The following CD96 variants were observed in gnomAD, a reference collection of about 807,000 sequenced individuals.
CD96 encodes CD96 molecule, also known as T-cell surface protein tactile.
Under a neutral mutation model 71.3 loss-of-function variants are expected in CD96, and 70 were observed. The ratio of observed to expected loss-of-function variants is 0.98; its 90% CI spans 0.81 to 1.20. CD96 has a LOEUF of 1.20. Among genes scored for constraint, CD96 ranks in the 50% most tolerant of loss-of-function variants. The pLI is 0.00. For synonymous variants in CD96, 248 were observed against 233.0 expected, an observed-to-expected ratio of 1.06 and a Z score of -0.59; for missense variants, 742 against 677.5, an observed-to-expected ratio of 1.10 and a Z score of -1.06.
At chr3:111,554,690 G>T (rs1934897759) in intron 2 of CD96, among the ~76,000 whole-genome samples, 1 of 152,024 alleles carries the variant, frequency 6.6e-6, no homozygotes. Context: ...CTAGGTACCG[G>T]CATGGAAGAC....
intron 3 of CD96, among the ~76,000 whole-genome samples, chr3:111,574,752 T>C (rs1238206762): frequency 6.6e-6 from 1 of 151,874 alleles, no homozygotes; most frequent in Non-Finnish European, 1.5e-5. Flanking sequence ...GCAAAAAATC[T>C]ATTTAAAAAT....
At chr3:111,564,294 C>G (rs1318365880) in intron 2 of CD96, among the ~76,000 whole-genome samples, 1 of 151,540 alleles carries the variant, frequency 6.6e-6, no homozygotes, top group African/African-American at 2.4e-5. Context: ...CTTTGCATAT[C>G]ATTTCCTTTG....
intron 14 of CD96, among the ~76,000 whole-genome samples, chr3:111,661,156 G>A (rs917695799): frequency 2.0e-5 from 3 of 152,130 alleles, no homozygotes; most frequent in Admixed American, 1.3e-4. Context: ...GAGTGAAGGG[G>A]AAAGTGCTAC....
intron 5 of CD96, among the ~76,000 whole-genome samples, chr3:111,589,881 C>T (rs1256989318): frequency 1.3e-5 from 2 of 152,186 alleles, no homozygotes; most frequent in African/African-American, 2.4e-5. Context: ...GTTACATACC[C>T]TCATCAATTA....
rs775860464 is a variant in CD96, at chr3:111,593,779, C to A, written c.808-4341C>A. On this transcript the variant is annotated intron_variant, in intron 5 of 13. Transcript: ENST00000352690. ...CCATGGTGCCCACCTGCTCCAGGAG[C>A]CTACCCCAGTTACCCTCAATGCCTG... 2.5e-6 allele frequency: 4 copies of A among 1,614,254 alleles called. No homozygotes were observed. In the East Asian group the frequency reaches 8.9e-5, roughly 36 times the overall value.
chr3:111,545,329 G>A lies in CD96; in HGVS notation c.345G>A (p.Arg115=). 6.2e-7 allele frequency: 1 copy of A among 1,614,088 alleles called. No homozygotes were observed. Among genetic ancestry groups the A allele is most frequent in the Non-Finnish European group, 8.5e-7 (1 of 1,179,922 alleles). The change falls in exon 2 of 14, where the codon AGG becomes AGA. Residue 115 remains arginine (R), a synonymous_variant. Transcript: ENST00000352690. The part of the protein sequence containing the change: ...LRNMSCSVSG[R]YECMLVLYPE... The stretch of plus-strand genomic sequence containing the variant: ...ATATGTCTTGTTCAGTCAGTGGAAG[G>A]TACGAGTGTATGCTTGTTCTGTATC...
chr3:111,576,444 A>G (rs1936225371), intron 3 of CD96, among the ~76,000 whole-genome samples: 2 of 152,214 alleles, frequency 1.3e-5, no homozygotes, highest in South Asian at 2.1e-4. Flanking sequence ...TACAACTCAC[A>G]TGAAAGGTTC....
At chr3:111,623,215 T>A (rs1938592237) in intron 8 of CD96, among the ~76,000 whole-genome samples, 1 of 152,206 alleles carries the variant, frequency 6.6e-6, no homozygotes, top group Non-Finnish European at 1.5e-5. Flanking sequence ...AATATAGAGC[T>A]ATTTTCAAAT....
chr3:111,545,817 T>C (rs888754037), intron 2 of CD96, among the ~76,000 whole-genome samples: 2 of 151,962 alleles, frequency 1.3e-5, no homozygotes, highest in African/African-American at 4.8e-5. Context: ...AATGGGAAAA[T>C]GCCAGTGGGA....
At chr3:111,543,534 C>T (rs890746075) in intron 1 of CD96, among the ~76,000 whole-genome samples, 1 of 151,832 alleles carries the variant, frequency 6.6e-6, no homozygotes, top group Admixed American at 6.6e-5. Context: ...ATTTGGGAGA[C>T]AGTTTGGAAG....
chr3:111,596,155 C>T (rs1286501226), intron 5 of CD96, among the ~76,000 whole-genome samples: 4 of 125,140 alleles, frequency 3.2e-5, no homozygotes, highest in Non-Finnish European at 7.5e-5. Context: ...GAGGGAGACT[C>T]TGTCTCAAAA....
chr3:111,633,502 T>C (rs573284576), intron 10 of CD96, among the ~76,000 whole-genome samples: 1 of 152,154 alleles, frequency 6.6e-6, no homozygotes, highest in African/African-American at 2.4e-5. Flanking sequence ...AAGCTACAAT[T>C]TGTAAAAAAA....
At chr3:111,600,149 C>G (rs1380529429) in intron 6 of CD96, among the ~76,000 whole-genome samples, 1 of 152,222 alleles carries the variant, frequency 6.6e-6, no homozygotes, top group African/African-American at 2.4e-5. Context: ...CCTACACTTA[C>G]AGCCAGGAGT....
chr3:111,617,680 C>T (rs1193158236), intron 8 of CD96, among the ~76,000 whole-genome samples: 1 of 152,170 alleles, frequency 6.6e-6, no homozygotes, highest in East Asian at 1.9e-4. Flanking sequence ...CAGTGAAGCT[C>T]CTCTCCACCT....
chr3:111,654,365 G>A (rs187659434), downstream of CD96, among the ~76,000 whole-genome samples: 102 of 152,336 alleles, frequency 6.7e-4, no homozygotes, highest in Non-Finnish European at 1.2e-3. Context: ...TGACCAGAAA[G>A]CAGGATACTA....
chr3:111,583,659 G>C (rs1046036797), intron 4 of CD96, among the ~76,000 whole-genome samples: 1 of 152,230 alleles, frequency 6.6e-6, no homozygotes, highest in Admixed American at 6.5e-5. Flanking sequence ...ACACCATGTG[G>C]AAGCTGCCAA....
chr3:111,602,163 T>C (rs193240177), intron 7 of CD96, among the ~76,000 whole-genome samples: 74 of 152,212 alleles, frequency 4.9e-4, no homozygotes, highest in Admixed American at 2.6e-3. Flanking sequence ...GATTCTCACA[T>C]AGATTTGTCA....
In CD96 at chr3:111,600,807, A is replaced by G. The variant is rs760169625; in HGVS notation, c.980A>G (p.Asn327Ser). 2 of 1,613,378 alleles carry G rather than the reference A, an allele frequency of 1.2e-6. No homozygotes were observed. Among genetic ancestry groups the G allele is most frequent in the South Asian group, 2.2e-5 (2 of 91,050 alleles). The change falls in exon 7 of 14, where the codon AAT (asparagine) becomes AGT (serine). Residue 327 changes from asparagine to serine, a missense_variant. By Grantham distance (46) the Asn-to-Ser change is conservative (BLOSUM62 1). Coordinates refer to ENST00000352690, the MANE Select transcript of CD96 (RefSeq NM_005816.5). ...TCTGTTTTAACAAGGGTACATAGTA[A>G]TAAACCAGCCCAATCAGACAACTTG... ...LKSVLTRVHSNKPAQSDNLTI... is the reference protein window; with the variant it reads ...LKSVLTRVHSSKPAQSDNLTI...
intron 4 of CD96, among the ~76,000 whole-genome samples, chr3:111,582,174 A>G (rs1936497145): frequency 6.6e-6 from 1 of 152,244 alleles, no homozygotes; most frequent in Non-Finnish European, 1.5e-5. Context: ...GCAAAGAGTC[A>G]TCTAGTCATC....
Sources: allele counts gnomAD v4.1 joint callset (sites outside exome capture counted in the v4.1 genomes callset), GRCh38; gene constraint gnomAD v4.1.1; transcripts MANE v1.5; gene names NCBI Gene and HGNC (gene_info 2026-07-23, HGNC 2026-07-21).